NIPAL2: variants seen among roughly 807,000 people sequenced by gnomAD.
NIPAL2 encodes the protein NIPA-like protein 2.
NIPAL2 carries 43 observed loss-of-function variants against 48.9 expected under a neutral mutation model. The observed-to-expected ratio is 0.88, with a 90% CI of 0.69 to 1.13. NIPAL2 has a LOEUF of 1.13. Ranked by LOEUF, NIPAL2 falls within the 50% of genes most tolerant of loss-of-function variation. NIPAL2 has a pLI of 0.00. For missense variants in NIPAL2, 446 were observed against 461.4 expected (o/e 0.97, Z 0.31); for synonymous variants, 167 against 174.6 (o/e 0.96, Z 0.34).
chr8:98,280,759 T>TAG (rs765271866), intron 1 of NIPAL2, among the ~76,000 whole-genome samples: 1,278 of 31,204 alleles, frequency 0.041, 14 homozygotes, highest in Non-Finnish European at 0.051. Context: ...TATATATATA[T>TAG]ATAGAGAGAG....
rs1229418655 is a variant in NIPAL2 at position 98,205,164 on chromosome 8, G to T, written c.738C>A (p.Pro246=). 8.7e-6 allele frequency: 14 copies of T among 1,613,358 alleles called. No homozygotes were observed. The highest frequency in any genetic ancestry group is 1.3e-5 in the African/African-American group (1 of 74,902). ...SVMDKMQLTY[P]IFYIMFIIMI... is the part of the protein sequence containing the mutation. ...TGATGATAAACATGATATAGAAAAT[G>T]GGGTAAGTTAGTTGCATTTTATCCA... is the stretch of plus-strand genomic sequence containing the variant. The change falls in exon 7 of 11, where the codon CCC becomes CCA. Residue 246 remains proline (P), a synonymous_variant. Transcript: ENST00000430223.
intron 8 of NIPAL2, among the ~76,000 whole-genome samples, chr8:98,199,548 G>C (rs1810711114): frequency 6.6e-6 from 1 of 152,128 alleles, no homozygotes; most frequent in Admixed American, 6.5e-5. Context: ...TGGAGCATCA[G>C]AACACATACA....
chr8:98,282,875 A>G (rs1192601671), intron 1 of NIPAL2, among the ~76,000 whole-genome samples: 1 of 152,248 alleles, frequency 6.6e-6, no homozygotes, highest in African/African-American at 2.4e-5. Flanking sequence ...GTGAAAAAGA[A>G]GAAAGAAAAA....
intron 1 of NIPAL2, among the ~76,000 whole-genome samples, 189 bp downstream of exon 1, chr8:98,293,814 C>A (rs1224426743): frequency 2.1e-4 from 32 of 152,196 alleles, no homozygotes; most frequent in East Asian, 1.9e-4. Flanking sequence ...ACTGGGCGGA[C>A]CCCCGCGCTT....
rs904357169 is a variant in NIPAL2 at position 98,266,927 on chromosome 8, T to C, written c.136-12840A>G. 1.1e-4 allele frequency among the ~76,000 whole-genome samples: 16 copies of C among 152,182 alleles called. 1 individual carries two copies. Among genetic ancestry groups the C allele is most frequent in the Non-Finnish European group, 1.9e-4 (13 of 68,038 alleles). ...GAGGTAATAATAAAGCTTTATTTTG[T>C]TTATCTGTATCTAAAATGACAAAGC... On this transcript the variant is annotated intron_variant, in intron 1 of 10. Coordinates refer to ENST00000430223, the MANE Select transcript of NIPAL2 (RefSeq NM_001321635.2).
chr8:98,204,820 C>T (rs146646563), intron 7 of NIPAL2, among the ~76,000 whole-genome samples: 1 of 151,766 alleles, frequency 6.6e-6, no homozygotes, highest in Non-Finnish European at 1.5e-5. Flanking sequence ...AACCTGTGTA[C>T]CACAGATATT....
intron 1 of NIPAL2, among the ~76,000 whole-genome samples, chr8:98,258,614 G>A (rs944026360): frequency 3.3e-5 from 5 of 152,158 alleles, no homozygotes; most frequent in Non-Finnish European, 2.9e-5. Context: ...GAACTTAGGA[G>A]TATGTGCCTG....
At chr8:98,211,049 G>A (rs77872827) in intron 6 of NIPAL2, among the ~76,000 whole-genome samples, 1,587 of 152,250 alleles carry the variant, frequency 0.01, 31 homozygotes, top group African/African-American at 0.036. Context: ...GCAGATATTA[G>A]GGGAAGGAAG....
At chr8:98,246,866 G>A (rs749682281) in intron 3 of NIPAL2, among the ~76,000 whole-genome samples, 41 of 151,930 alleles carry the variant, frequency 2.7e-4, no homozygotes, top group African/African-American at 8.7e-4. Flanking sequence ...CTTCCTTGCC[G>A]CCCCATAGAC....
At chr8:98,206,086 A>G (rs2130708848) in intron 6 of NIPAL2, among the ~76,000 whole-genome samples, 1 of 152,332 alleles carries the variant, frequency 6.6e-6, no homozygotes, top group Non-Finnish European at 1.5e-5. Flanking sequence ...AAGGAAGAAA[A>G]GAATGCTTTC....
intron 3 of NIPAL2, among the ~76,000 whole-genome samples, chr8:98,244,372 C>G (rs1813168349): frequency 2.6e-5 from 1 of 38,396 alleles, no homozygotes; most frequent in Non-Finnish European, 5.1e-5. Flanking sequence ...GAGGGGTAGT[C>G]TGTAATGATG....
intron 1 of NIPAL2, among the ~76,000 whole-genome samples, chr8:98,272,707 C>T (rs1586460730): frequency 6.6e-6 from 1 of 151,692 alleles, no homozygotes; most frequent in African/African-American, 2.4e-5. Flanking sequence ...CTCCACCTCC[C>T]GGGTTCAAAC....
chr8:98,235,109 C>T (rs1171559371), intron 4 of NIPAL2, among the ~76,000 whole-genome samples: 1 of 152,086 alleles, frequency 6.6e-6, no homozygotes. Context: ...TCAGGGAAAA[C>T]AAATGCTCAA....
Position 98,236,185 on chromosome 8 carries a change from T to C in NIPAL2, c.406A>G (p.Lys136Glu). The C allele has an allele frequency of 6.2e-7, 1 of 1,604,418 alleles. No individual in the cohort carries two copies. The highest frequency in any genetic ancestry group is 8.5e-7 in the Non-Finnish European group (1 of 1,174,284). ...GSAIISVTFL[K>E]DNLRASDLLG... ...AAGTCTGAGGCTCTCAAATTGTCTT[T>C]CAGAAATGTAACAGAAATAATGGCA... Residue 136 changes from lysine to glutamate, a missense_variant, in exon 4 of 11, where the codon AAA (lysine) becomes GAA (glutamate). By Grantham distance (56) the Lys-to-Glu change is moderately conservative. Transcript: ENST00000430223.
At chr8:98,207,771 C>T (rs1811109132) in intron 6 of NIPAL2, among the ~76,000 whole-genome samples, 1 of 152,182 alleles carries the variant, frequency 6.6e-6, no homozygotes, top group South Asian at 2.1e-4. Context: ...ACATGTGAAT[C>T]ATAAGGTATA....
intron 1 of NIPAL2, among the ~76,000 whole-genome samples, chr8:98,264,032 C>T (rs1352314898): frequency 6.6e-6 from 1 of 150,450 alleles, no homozygotes; most frequent in African/African-American, 2.4e-5. Flanking sequence ...ACAAAAACCA[C>T]ATGATTATCT....
chr8:98,247,403 G>A (rs1324399543), intron 3 of NIPAL2, among the ~76,000 whole-genome samples: 1 of 152,182 alleles, frequency 6.6e-6, no homozygotes, highest in Non-Finnish European at 1.5e-5. Context: ...ACATGAAACA[G>A]GTCATTGTGC....
chr8:98,218,108 T>C (rs886725054), intron 5 of NIPAL2, among the ~76,000 whole-genome samples: 5 of 152,228 alleles, frequency 3.3e-5, no homozygotes, highest in Non-Finnish European at 5.9e-5. Flanking sequence ...AGATAGATCA[T>C]CATTAAACAA....
intron 1 of NIPAL2, among the ~76,000 whole-genome samples, chr8:98,279,998 T>C (rs1198520614): frequency 6.6e-6 from 1 of 152,242 alleles, no homozygotes; most frequent in Non-Finnish European, 1.5e-5. Context: ...GATATTTTAA[T>C]TGTATTTGGA....
Sources: gnomAD v4.1 joint callset for allele counts (sites outside exome capture counted in the v4.1 genomes callset) on GRCh38, gnomAD v4.1.1 for gene constraint, MANE v1.5 for transcripts, NCBI Gene and HGNC (gene_info 2026-07-23, HGNC 2026-07-21) for gene names.